TSHZ2: variants seen among roughly 807,000 people sequenced by gnomAD.
TSHZ2 encodes teashirt zinc finger homeobox 2, also known as teashirt homolog 2.
A neutral mutation model predicts 74.4 loss-of-function variants in TSHZ2; 21 were observed. The ratio of observed to expected loss-of-function variants is 0.28; its 90% CI spans 0.20 to 0.41. TSHZ2 has a LOEUF of 0.41. Among genes scored for constraint, TSHZ2 ranks in the 10% least tolerant of loss-of-function variants. The probability of loss-of-function intolerance (pLI) is 1.00; values close to 1 mark genes in which losing one functional copy is unlikely to be tolerated. For synonymous variants in TSHZ2, 540 were observed against 515.3 expected, an observed-to-expected ratio of 1.05 and a Z score of -0.65; for missense variants, 1,244 against 1,293.5, an observed-to-expected ratio of 0.96 and a Z score of 0.59.
At position 53,146,243 on chromosome 20, in the gene TSHZ2, C is replaced by T. The variant is rs1227946150; in HGVS notation, c.41-107256C>T. Among the ~76,000 whole-genome samples, 5 of 152,016 alleles carry T rather than the reference C, an allele frequency of 3.3e-5. No individual in the cohort carries two copies. In the South Asian group the frequency reaches 1.0e-3, roughly 32 times the overall value. Reference sequence around the variant, plus strand: ...ATCATCAGTGAATGCAGTTGTGGGGCAGGGGGCGGATGAGTCAACACAATT... The same window carrying T: ...ATCATCAGTGAATGCAGTTGTGGGGTAGGGGGCGGATGAGTCAACACAATT... On this transcript the variant is annotated intron_variant, in intron 1 of 2. Transcript: ENST00000371497.
intron 1 of TSHZ2, among the ~76,000 whole-genome samples, chr20:53,197,583 T>C (rs1022797649): frequency 3.9e-5 from 6 of 152,222 alleles, no homozygotes; most frequent in African/African-American, 1.4e-4. Context: ...CAACCTTCAG[T>C]TGCCATCAAG....
intron 1 of TSHZ2, among the ~76,000 whole-genome samples, chr20:53,204,684 A>G (rs1351589173): frequency 6.6e-6 from 1 of 152,202 alleles, no homozygotes; most frequent in African/African-American, 2.4e-5. Flanking sequence ...CACTGTATGA[A>G]GTTTTTTGTG....
intron 1 of TSHZ2, among the ~76,000 whole-genome samples, chr20:53,050,189 A>ACATATATACACATATATATGTG (rs1568736492): frequency 6.3e-5 from 9 of 142,436 alleles, no homozygotes; most frequent in African/African-American, 2.4e-4. Context: ...ATATATATGT[A>ACATATATACACATATATATGTG]TATATATATA....
intron 2 of TSHZ2, among the ~76,000 whole-genome samples, chr20:53,292,775 G>T (rs1991304667): frequency 6.6e-6 from 1 of 152,136 alleles, no homozygotes; most frequent in Admixed American, 6.5e-5. Context: ...TCACTGTCAG[G>T]CTCCAGAGCA....
At chr20:53,346,575 G>C (rs1288552431) in intron 2 of TSHZ2, among the ~76,000 whole-genome samples, 3 of 152,200 alleles carry the variant, frequency 2.0e-5, no homozygotes, top group Non-Finnish European at 2.9e-5. Context: ...GCTATTCGAA[G>C]GAAGCTTAGG....
At chr20:53,140,322 C>T (rs144901829) in intron 1 of TSHZ2, among the ~76,000 whole-genome samples, 12,298 of 151,842 alleles carry the variant, frequency 0.081, 769 homozygotes, top group East Asian at 0.19. Flanking sequence ...GGGCAGATCA[C>T]GAGGTCAGGA....
chr20:53,446,651 T>A (rs1179524701), intron 2 of TSHZ2, among the ~76,000 whole-genome samples: 1 of 152,100 alleles, frequency 6.6e-6, no homozygotes, highest in African/African-American at 2.4e-5. Flanking sequence ...TCCTCCTTTT[T>A]TACACCTCCT....
intron 2 of TSHZ2, among the ~76,000 whole-genome samples, chr20:53,394,089 G>A (rs370871400): frequency 1.3e-5 from 2 of 152,312 alleles, no homozygotes. Flanking sequence ...CTTTTTAACG[G>A]TTGCTGATCC....
chr20:53,069,010 G>A (rs1985084465), intron 1 of TSHZ2, among the ~76,000 whole-genome samples: 1 of 152,078 alleles, frequency 6.6e-6, no homozygotes, highest in Non-Finnish European at 1.5e-5. Context: ...AAAAACAACT[G>A]TGTCGAGTGT....
At chr20:53,436,638 C>T (rs1028817279) in intron 2 of TSHZ2, among the ~76,000 whole-genome samples, 8 of 150,490 alleles carry the variant, frequency 5.3e-5, no homozygotes, top group Admixed American at 2.0e-4. Flanking sequence ...CTCCGCCTCC[C>T]GGGTTCAAGC....
chr20:53,217,785 C>T (rs1989469887), intron 1 of TSHZ2, among the ~76,000 whole-genome samples: 1 of 152,208 alleles, frequency 6.6e-6, no homozygotes, highest in Admixed American at 6.5e-5. Flanking sequence ...CTTGTAACCC[C>T]TGGTTTACAC....
chr20:53,379,733 A>G (rs1205529055), intron 2 of TSHZ2, among the ~76,000 whole-genome samples: 1 of 152,224 alleles, frequency 6.6e-6, no homozygotes, highest in African/African-American at 2.4e-5. Flanking sequence ...CTTTGACACC[A>G]TGGGGAGAAA....
chr20:53,216,026 A>G (rs1239514979), intron 1 of TSHZ2, among the ~76,000 whole-genome samples: 3 of 151,950 alleles, frequency 2.0e-5, no homozygotes, highest in East Asian at 3.9e-4. Flanking sequence ...TTCTCCCAGA[A>G]TTCTTCATTT....
intron 2 of TSHZ2, among the ~76,000 whole-genome samples, chr20:53,364,632 T>C (rs893034847): frequency 8.5e-5 from 13 of 152,226 alleles, no homozygotes; most frequent in Non-Finnish European, 1.3e-4. Context: ...TTCAGATTTG[T>C]TTCTTCCTTG....
At chr20:53,024,659 C>T (rs1326322012) in intron 1 of TSHZ2, among the ~76,000 whole-genome samples, 2 of 152,050 alleles carry the variant, frequency 1.3e-5, no homozygotes, top group African/African-American at 2.4e-5. Context: ...CCCCCACCCA[C>T]CAACAGGCCC....
chr20:53,257,877 G>A (rs1053452052), intron 2 of TSHZ2, among the ~76,000 whole-genome samples: 4 of 152,194 alleles, frequency 2.6e-5, no homozygotes, highest in Non-Finnish European at 5.9e-5. Context: ...CAGAGCATTG[G>A]TTTACAAATA....
intron 1 of TSHZ2, among the ~76,000 whole-genome samples, chr20:52,983,043 G>A (rs1981625658): frequency 6.6e-6 from 1 of 152,200 alleles, no homozygotes; most frequent in Non-Finnish European, 1.5e-5. Flanking sequence ...AGGATGCTTA[G>A]GATGATAGAG....
intron 1 of TSHZ2, among the ~76,000 whole-genome samples, chr20:53,068,030 C>T (rs1175044226): frequency 6.6e-6 from 1 of 152,162 alleles, no homozygotes. Context: ...CCCTGTGCGT[C>T]CGTGTTGTCA....
At chr20:53,119,426 G>A (rs1246193716) in intron 1 of TSHZ2, among the ~76,000 whole-genome samples, 1 of 152,170 alleles carries the variant, frequency 6.6e-6, no homozygotes, top group African/African-American at 2.4e-5. Context: ...ACGATGATAA[G>A]TGCTACAGCA....
Sources: gnomAD v4.1 joint callset for allele counts (sites outside exome capture counted in the v4.1 genomes callset) on GRCh38, gnomAD v4.1.1 for gene constraint, MANE v1.5 for transcripts, NCBI Gene and HGNC (gene_info 2026-07-23, HGNC 2026-07-21) for gene names.